The following LRRTM4 variants were observed in gnomAD, a reference collection of about 807,000 sequenced individuals.
The protein encoded by LRRTM4 is leucine-rich repeat transmembrane neuronal protein 4.
In LRRTM4, 25 loss-of-function variants were observed where a neutral mutation model predicts 47.6. That is an observed-to-expected ratio of 0.53 (90% CI 0.38 to 0.73). LRRTM4 has a LOEUF of 0.73. Ranked by LOEUF, LRRTM4 falls within the 30% of genes least tolerant of loss-of-function variation. The pLI is 0.00. For missense variants in LRRTM4, 638 were observed against 713.4 expected, an observed-to-expected ratio of 0.89 and a Z score of 1.20; for synonymous variants, 311 against 269.5, an observed-to-expected ratio of 1.15 and a Z score of -1.51.
chr2:77,444,541 T>C (rs1196167437), intron 3 of LRRTM4, among the ~76,000 whole-genome samples: 6 of 152,082 alleles, frequency 3.9e-5, no homozygotes, highest in Non-Finnish European at 8.8e-5. Context: ...GCATGTGATG[T>C]GGTTCTCCTT....
intron 3 of LRRTM4, among the ~76,000 whole-genome samples, chr2:77,214,778 T>A (rs1388718069): frequency 2.0e-5 from 3 of 151,736 alleles, no homozygotes; most frequent in Non-Finnish European, 4.4e-5. Context: ...TGAAAAAAAA[T>A]ATTTATTTAT....
intron 3 of LRRTM4, among the ~76,000 whole-genome samples, chr2:76,901,393 A>T (rs1469047011): frequency 6.6e-6 from 1 of 152,094 alleles, no homozygotes. Flanking sequence ...ATTTCTTACT[A>T]TGTCTGTATA....
intron 3 of LRRTM4, among the ~76,000 whole-genome samples, chr2:77,080,427 C>T (rs186418326): frequency 1.3e-5 from 2 of 152,286 alleles, no homozygotes; most frequent in East Asian, 3.9e-4. Context: ...CTCTGAAATG[C>T]ATATCCTTAT....
chr2:77,005,207 T>C (rs147800174), intron 3 of LRRTM4, among the ~76,000 whole-genome samples: 1,857 of 152,248 alleles, frequency 0.012, 39 homozygotes, highest in African/African-American at 0.042. Context: ...TACAGTGGCA[T>C]GATCTCAGCT....
intron 3 of LRRTM4, among the ~76,000 whole-genome samples, chr2:76,918,582 C>T (rs1226257669): frequency 1.3e-5 from 2 of 152,132 alleles, no homozygotes; most frequent in African/African-American, 4.8e-5. Flanking sequence ...CAGCATTTCA[C>T]ATAAATGAGA....
At chr2:76,813,648 A>G (rs1186896912) in intron 3 of LRRTM4, among the ~76,000 whole-genome samples, 1 of 152,036 alleles carries the variant, frequency 6.6e-6, no homozygotes, top group African/African-American at 2.4e-5. Context: ...CTTTTGGTAC[A>G]TTTTTTTCTT....
intron 3 of LRRTM4, among the ~76,000 whole-genome samples, chr2:76,810,284 C>A (rs917239150): frequency 9.9e-5 from 15 of 152,036 alleles, no homozygotes; most frequent in African/African-American, 3.4e-4. Flanking sequence ...TTCTAAAAAG[C>A]AAATTATTTT....
chr2:77,234,242 A>C (rs779228714), intron 3 of LRRTM4, among the ~76,000 whole-genome samples: 1 of 152,186 alleles, frequency 6.6e-6, no homozygotes, highest in African/African-American at 2.4e-5. Context: ...AACCACCCTC[A>C]TTATTTTTAA....
chr2:77,059,071 C>T (rs1349451129), intron 3 of LRRTM4, among the ~76,000 whole-genome samples: 1 of 152,076 alleles, frequency 6.6e-6, no homozygotes, highest in Non-Finnish European at 1.5e-5. Flanking sequence ...TCTTCCTTCG[C>T]TAAACTTTGT....
chr2:77,393,867 G>GATTTCTTAAGAGT (rs1673597992), intron 3 of LRRTM4, among the ~76,000 whole-genome samples: 1 of 151,882 alleles, frequency 6.6e-6, no homozygotes, highest in Non-Finnish European at 1.5e-5. Flanking sequence ...GTCCAGGGTT[G>GATTTCTTAAGAGT]CCAGATTTAC....
chr2:77,051,015 ATTTT>A (rs776648650), intron 3 of LRRTM4, among the ~76,000 whole-genome samples: 18,925 of 149,120 alleles, frequency 0.13, 1,435 homozygotes, highest in Admixed American at 0.2. Flanking sequence ...TACTTAAAAC[ATTTT>A]TTTTTTTTTA....
intron 3 of LRRTM4, among the ~76,000 whole-genome samples, chr2:76,893,599 C>G (rs1673320390): frequency 6.6e-6 from 1 of 151,350 alleles, no homozygotes; most frequent in Non-Finnish European, 1.5e-5. Context: ...TCCTCTCCTA[C>G]AGTTAAGACA....
chr2:77,263,744 G>A (rs1414012249), intron 3 of LRRTM4, among the ~76,000 whole-genome samples: 1 of 152,056 alleles, frequency 6.6e-6, no homozygotes, highest in African/African-American at 2.4e-5. Context: ...CTAATGTAGT[G>A]TAAATTAAGC....
intron 3 of LRRTM4, among the ~76,000 whole-genome samples, chr2:76,869,858 T>A (rs572440982): frequency 6.6e-6 from 1 of 152,134 alleles, no homozygotes; most frequent in Non-Finnish European, 1.5e-5. Context: ...TAATAATATG[T>A]TATAAACTTG....
chr2:77,503,853 T>C (rs1261984306), intron 3 of LRRTM4, among the ~76,000 whole-genome samples: 1 of 151,618 alleles, frequency 6.6e-6, no homozygotes, highest in Non-Finnish European at 1.5e-5. Flanking sequence ...GATATCAAAG[T>C]AAAGCAAAGA....
At chr2:77,486,480 A>G (rs930097447) in intron 3 of LRRTM4, among the ~76,000 whole-genome samples, 18 of 152,288 alleles carry the variant, frequency 1.2e-4, no homozygotes, top group African/African-American at 4.1e-4. Context: ...TATTAAGAAA[A>G]CACACGGCAT....
chr2:77,458,801 G>A (rs1676665781), intron 3 of LRRTM4, among the ~76,000 whole-genome samples: 1 of 150,682 alleles, frequency 6.6e-6, no homozygotes, highest in African/African-American at 2.4e-5. Context: ...TATTGTTAAG[G>A]TTTGTCATTG....
intron 3 of LRRTM4, among the ~76,000 whole-genome samples, chr2:77,046,341 G>A (rs893570225): frequency 4.6e-5 from 7 of 151,876 alleles, no homozygotes; most frequent in Admixed American, 1.3e-4. Context: ...TTTAACACAC[G>A]GCCAACCAAA....
intron 3 of LRRTM4, among the ~76,000 whole-genome samples, chr2:77,322,091 T>C (rs2104228617): frequency 6.6e-6 from 1 of 152,310 alleles, no homozygotes; most frequent in South Asian, 2.1e-4. Flanking sequence ...AAAGGTAATC[T>C]AGTAAAATCA....
Sources: gnomAD v4.1 joint callset for allele counts (sites outside exome capture counted in the v4.1 genomes callset) on GRCh38, gnomAD v4.1.1 for gene constraint, MANE v1.5 for transcripts, NCBI Gene and HGNC (gene_info 2026-07-23, HGNC 2026-07-21) for gene names.